NKAIN3: variants seen among roughly 807,000 people sequenced by gnomAD.
NKAIN3 encodes the protein sodium/potassium-transporting ATPase subunit beta-1-interacting protein 3.
In NKAIN3, 25 loss-of-function variants were observed where a neutral mutation model predicts 30.2. The ratio of observed to expected loss-of-function variants is 0.83; its 90% CI spans 0.60 to 1.16. NKAIN3 has a LOEUF of 1.16. Among genes scored for constraint, NKAIN3 ranks in the 50% most tolerant of loss-of-function variants. NKAIN3 has a pLI of 0.00. For synonymous variants in NKAIN3, 91 were observed against 89.6 expected (o/e 1.02, Z -0.09); for missense variants, 225 against 254.1 (o/e 0.89, Z 0.78).
At chr8:62,965,221 C>G (rs1823675843) in intron 6 of NKAIN3, 133 bp from the exon 7 acceptor site, 4 of 831,182 alleles carry the variant, frequency 4.8e-6, no homozygotes, top group Non-Finnish European at 5.8e-6. Context: ...CTTTAACTTT[C>G]TTATTGCTAC....
intron 1 of NKAIN3, among the ~76,000 whole-genome samples, chr8:62,422,050 T>C (rs1804657268): frequency 6.6e-6 from 1 of 152,140 alleles, no homozygotes; most frequent in Non-Finnish European, 1.5e-5. Context: ...AGTTGCCTAC[T>C]CAAGAGTATG....
rs567689523 is a variant in NKAIN3, at chr8:62,718,873, TTTTA to T, written c.274-28054_274-28051del. On this transcript the variant is annotated intron_variant, in intron 3 of 6. Transcript: ENST00000623646. ...ATTTTATTTTAAAGTATACATGTTG[TTTTA>T]TTTAAGACCAAATAATTCATTCAAT... Among the ~76,000 whole-genome samples, 368 of 152,364 alleles carry T rather than the reference TTTTA, an allele frequency of 2.4e-3. 1 individual carries two copies. The highest frequency in any genetic ancestry group is 7.7e-3 in the African/African-American group (321 of 41,584).
intron 1 of NKAIN3, among the ~76,000 whole-genome samples, chr8:62,530,152 G>C (rs1274825911): frequency 6.6e-6 from 1 of 152,148 alleles, no homozygotes; most frequent in African/African-American, 2.4e-5. Context: ...TAAGGAGGGG[G>C]ATGATTAGAT....
chr8:62,528,322 ATAATATATATATT>A (rs1808376700), intron 1 of NKAIN3, among the ~76,000 whole-genome samples: 1 of 66,578 alleles, frequency 1.5e-5, no homozygotes, highest in Admixed American at 1.8e-4. Flanking sequence ...TATATATTAT[ATAATATATATATT>A]ATATAATATA....
intron 4 of NKAIN3, among the ~76,000 whole-genome samples, chr8:62,851,258 G>T (rs957688477): frequency 2.0e-5 from 3 of 152,216 alleles, no homozygotes; most frequent in East Asian, 3.9e-4. Flanking sequence ...CTCTCTGTTT[G>T]TCTGTTATTG....
chr8:62,674,184 A>C (rs1813401031), intron 3 of NKAIN3, among the ~76,000 whole-genome samples: 1 of 152,182 alleles, frequency 6.6e-6, no homozygotes. Context: ...CTCTGGCCAC[A>C]TCCAGACATA....
chr8:62,732,974 T>A (rs1302562495), intron 3 of NKAIN3, among the ~76,000 whole-genome samples: 1 of 152,100 alleles, frequency 6.6e-6, no homozygotes. Context: ...CTACCATCTA[T>A]CTTTTGCTTT....
intron 3 of NKAIN3, among the ~76,000 whole-genome samples, chr8:62,648,598 G>A (rs1180135674): frequency 6.6e-6 from 1 of 152,146 alleles, no homozygotes; most frequent in East Asian, 1.9e-4. Context: ...TCACAGCCTG[G>A]TGCTCAGTCA....
chr8:62,628,166 C>A (rs1246479172), intron 3 of NKAIN3, among the ~76,000 whole-genome samples: 1 of 152,082 alleles, frequency 6.6e-6, no homozygotes, highest in African/African-American at 2.4e-5. Flanking sequence ...CTTGATGAAG[C>A]CTATAAAGCC....
chr8:62,723,003 A>G (rs1794124843), intron 3 of NKAIN3, among the ~76,000 whole-genome samples: 2 of 152,294 alleles, frequency 1.3e-5, no homozygotes, highest in South Asian at 2.1e-4. Flanking sequence ...CAACTTTGCA[A>G]TTAATCAGAA....
chr8:62,764,609 C>T (rs558002756), intron 4 of NKAIN3, among the ~76,000 whole-genome samples: 12 of 152,224 alleles, frequency 7.9e-5, no homozygotes, highest in South Asian at 2.1e-4. Context: ...GAACTACAAG[C>T]GTGTGCCACC....
intron 1 of NKAIN3, among the ~76,000 whole-genome samples, chr8:62,452,221 A>G (rs955938978): frequency 6.6e-6 from 1 of 152,176 alleles, no homozygotes; most frequent in Non-Finnish European, 1.5e-5. Context: ...CACATCTGTA[A>G]TCCCAGCACT....
chr8:62,599,397 C>T (rs1810925367), intron 3 of NKAIN3, among the ~76,000 whole-genome samples: 1 of 152,136 alleles, frequency 6.6e-6, no homozygotes, highest in East Asian at 1.9e-4. Flanking sequence ...GCCTCAATTT[C>T]CTGTTCTGCA....
intron 1 of NKAIN3, among the ~76,000 whole-genome samples, chr8:62,337,252 T>A (rs865814253): frequency 4.6e-4 from 70 of 152,008 alleles, no homozygotes; most frequent in African/African-American, 1.6e-3. Context: ...CTTCCTCCCA[T>A]ATTGAAAAGG....
At position 62,965,455 on chromosome 8, in the gene NKAIN3, G is replaced by A; in HGVS notation, c.*48G>A. On this transcript the variant is annotated 3_prime_UTR_variant, in exon 7 of 7. Transcript: ENST00000623646. Reference sequence around the variant, plus strand: ...GCGCCTCGGTGGATCCGACCCGCCTGACATTCCTTCCAGAGGCTAGACTGT... The same window carrying A: ...GCGCCTCGGTGGATCCGACCCGCCTAACATTCCTTCCAGAGGCTAGACTGT... 1 of 985,740 alleles carries A rather than the reference G, an allele frequency of 1.0e-6. No homozygotes were observed. Among genetic ancestry groups the A allele is most frequent in the South Asian group, 4.7e-5 (1 of 21,274 alleles). The allele number at this position is 985,740 out of a possible 1,614,324, so 61.1% of individuals were successfully genotyped here. A position where few individuals can be genotyped will look rare whatever the true frequency, so the allele number is the denominator to read the frequency against.
intron 5 of NKAIN3, among the ~76,000 whole-genome samples, chr8:62,939,667 GA>G (rs1271260525): frequency 2.0e-5 from 3 of 151,488 alleles, no homozygotes; most frequent in East Asian, 1.9e-4. Flanking sequence ...CTTCATAAAT[GA>G]AAAAAAAGAT....
chr8:62,836,161 A>C (rs1340579877), intron 4 of NKAIN3, among the ~76,000 whole-genome samples: 1 of 152,110 alleles, frequency 6.6e-6, no homozygotes, highest in Non-Finnish European at 1.5e-5. Context: ...ATATGGAAAC[A>C]GTAAACACTA....
At chr8:62,620,334 A>T (rs1435262510) in intron 3 of NKAIN3, among the ~76,000 whole-genome samples, 2 of 151,962 alleles carry the variant, frequency 1.3e-5, no homozygotes, top group Admixed American at 1.3e-4. Flanking sequence ...AGGTTTTATG[A>T]CCTACTTAAA....
At chr8:62,514,344 A>C (rs1807917760) in intron 1 of NKAIN3, among the ~76,000 whole-genome samples, 1 of 152,128 alleles carries the variant, frequency 6.6e-6, no homozygotes, top group Non-Finnish European at 1.5e-5. Flanking sequence ...GTGCTTTAAA[A>C]CATACATGCT....
Sources: allele counts gnomAD v4.1 joint callset (sites outside exome capture counted in the v4.1 genomes callset), GRCh38; gene constraint gnomAD v4.1.1; transcripts MANE v1.5; gene names NCBI Gene and HGNC (gene_info 2026-07-23, HGNC 2026-07-21).